OGDH: variants seen among roughly 807,000 people sequenced by gnomAD.
OGDH encodes the protein oxoglutarate dehydrogenase.
OGDH carries 38 observed loss-of-function variants against 116.6 expected under a neutral mutation model. That is an observed-to-expected ratio of 0.33 (90% CI 0.25 to 0.43). The LOEUF (loss-of-function observed/expected upper bound fraction) is 0.43. Among genes scored for constraint, OGDH ranks in the 20% least tolerant of loss-of-function variants. The pLI is 1.00. For missense variants in OGDH, 825 were observed against 1,357.2 expected (o/e 0.61, Z 6.16); for synonymous variants, 488 against 533.3 (o/e 0.92, Z 1.17).
chr7:44,683,439 G>A (rs920477405), intron 10 of OGDH, among the ~76,000 whole-genome samples: 7 of 151,648 alleles, frequency 4.6e-5, no homozygotes, highest in Non-Finnish European at 7.4e-5. Context: ...CTCTGTTACC[G>A]AGGCTGCTCT....
chr7:44,642,628 A>G (rs190375454), intron 2 of OGDH, among the ~76,000 whole-genome samples: 2 of 152,280 alleles, frequency 1.3e-5, no homozygotes, highest in Admixed American at 1.3e-4. Flanking sequence ...TTTGATTTGT[A>G]AAAACATTTT....
chr7:44,622,567 G>C (rs1338407693), intron 1 of OGDH, among the ~76,000 whole-genome samples: 1 of 151,998 alleles, frequency 6.6e-6, no homozygotes, highest in Non-Finnish European at 1.5e-5. Flanking sequence ...CCTCTCTCTT[G>C]GTGTCCCTTA....
chr7:44,643,378 A>G (rs1409954428), intron 2 of OGDH, among the ~76,000 whole-genome samples: 1 of 152,214 alleles, frequency 6.6e-6, no homozygotes, highest in East Asian at 1.9e-4. Context: ...TGCTTATTAT[A>G]GAATGTTTTA....
intron 10 of OGDH, among the ~76,000 whole-genome samples, chr7:44,685,946 G>A (rs540186066): frequency 2.0e-5 from 3 of 152,080 alleles, no homozygotes; most frequent in African/African-American, 4.8e-5. Context: ...TCCGTTCTTT[G>A]GAGTATATAT....
At chr7:44,695,747 G>A (rs376770509) in intron 12 of OGDH, among the ~76,000 whole-genome samples, 7 of 151,578 alleles carry the variant, frequency 4.6e-5, no homozygotes, top group African/African-American at 1.2e-4. Flanking sequence ...TTCAAACTCC[G>A]AGCAGAATCT....
At position 44,653,780 on chromosome 7, in the gene OGDH, C is replaced by T. The variant is rs866422852; in HGVS notation, c.517+6021C>T. ...ACCTCATGTAATCCACCTGCCTAGG[C>T]CTCACAAAGTGCTGGGATTACAGGC... is the stretch of plus-strand genomic sequence containing the variant. On this transcript the variant is annotated intron_variant, in intron 4 of 22. Transcript: ENST00000222673. 4.0e-5 allele frequency among the ~76,000 whole-genome samples: 6 copies of T among 151,858 alleles called. No individual in the cohort carries two copies. The South Asian group carries it at 1.2e-3, about 32-fold the overall frequency.
chr7:44,625,458 G>T (rs1469479010), intron 2 of OGDH, among the ~76,000 whole-genome samples: 1 of 152,146 alleles, frequency 6.6e-6, no homozygotes, highest in Non-Finnish European at 1.5e-5. Context: ...CCTTTATTCT[G>T]TTTTGAGCCA....
intron 10 of OGDH, 23 bp from the exon 11 acceptor site, chr7:44,693,802 G>T (rs766600429): frequency 1.3e-6 from 2 of 1,550,014 alleles, no homozygotes; most frequent in East Asian, 4.6e-5. Flanking sequence ...GTGCCCTCTT[G>T]CTAGGCTACA....
intron 5 of OGDH, among the ~76,000 whole-genome samples, chr7:44,668,844 A>G (rs1787299598): frequency 6.6e-6 from 1 of 152,258 alleles, no homozygotes; most frequent in Admixed American, 6.5e-5. Flanking sequence ...CAAATAAAAT[A>G]GGAAAATTTC....
At chr7:44,672,093 A>AT (rs778919742) in intron 5 of OGDH, among the ~76,000 whole-genome samples, 2 of 151,886 alleles carry the variant, frequency 1.3e-5, no homozygotes, top group South Asian at 4.1e-4. Flanking sequence ...TAATTAATTA[A>AT]TTAAAAAAAA....
chr7:44,616,164 A>T (rs1385793955), intron 1 of OGDH, among the ~76,000 whole-genome samples: 2 of 152,172 alleles, frequency 1.3e-5, no homozygotes, highest in Non-Finnish European at 2.9e-5. Flanking sequence ...TATATTTAGC[A>T]GGAAACACGT....
Position 44,674,283 on chromosome 7 carries a change from G to A in OGDH, c.789-128G>A, listed in dbSNP as rs533813366. 250 of 1,109,578 alleles carry A rather than the reference G, an allele frequency of 2.3e-4. 3 individuals are homozygous for A. The South Asian group carries it at 3.4e-3, about 15-fold the overall frequency. The allele number at this position is 1,109,578 out of a possible 1,614,324, so 68.7% of individuals were successfully genotyped here. A position where few individuals can be genotyped will look rare whatever the true frequency, so the allele number is the denominator to read the frequency against. On this transcript the variant is annotated intron_variant, in intron 6 of 22. Transcript: ENST00000222673. ...TGGTCTCGAACTCCTGACCTCAGCT[G>A]ATCTGCCCACCTCGGCCTCCCAAGG... is the stretch of plus-strand genomic sequence containing the variant.
At chr7:44,619,553 G>T (rs1239270540) in intron 1 of OGDH, among the ~76,000 whole-genome samples, 1 of 152,182 alleles carries the variant, frequency 6.6e-6, no homozygotes, top group Non-Finnish European at 1.5e-5. Flanking sequence ...CCTCCAGGTT[G>T]GAGCATGCAC....
Position 44,708,138 on chromosome 7 carries a change from T to C in OGDH, c.*139T>C. 3 of 1,206,554 alleles carry C rather than the reference T, an allele frequency of 2.5e-6. No individual in the cohort carries two copies. Among genetic ancestry groups the C allele is most frequent in the Non-Finnish European group, 1.2e-6 (1 of 869,186 alleles). 74.7% of individuals were successfully genotyped at this position (1,206,554 alleles called of 1,614,324 possible). On this transcript the variant is annotated 3_prime_UTR_variant, in exon 23 of 23. Coordinates refer to ENST00000222673, the MANE Select transcript of OGDH (RefSeq NM_002541.4). ...GCCACCACCCCTCCCTCTGCTCTCA[T>C]AGGAGTTAGGCTGTCGTCCCCCTCC...
chr7:44,707,382 T>G lies in OGDH; in HGVS notation c.2790T>G (p.Ile930Met). ...DMVGQVAITR[I>M]EQLSPFPFDL... is the part of the protein sequence containing the mutation. ...TGGGGCAGGTGGCCATCACAAGGAT[T>G]GAGCAGGTGAGGGCAGGTGGTGCCA... Residue 930 changes from isoleucine (I) to methionine (M), a missense_variant, in exon 21 of 23, where the codon ATT becomes ATG. Transcript: ENST00000222673. This position sits in a 1 kb window ranked among gnomAD's most constrained non-coding sequence, Gnocchi z 5.2. The G allele has an allele frequency of 6.2e-7, 1 of 1,614,192 alleles. No homozygotes were observed. The highest frequency in any genetic ancestry group is 8.5e-7 in the Non-Finnish European group (1 of 1,180,020).
At chr7:44,609,560 T>C (rs1042071643) in intron 1 of OGDH, among the ~76,000 whole-genome samples, 17 of 151,850 alleles carry the variant, frequency 1.1e-4, no homozygotes, top group African/African-American at 4.1e-4. Flanking sequence ...AGCCGGGCTA[T>C]TGGGCTATGG....
chr7:44,660,532 T>C (rs1225490020), intron 4 of OGDH, among the ~76,000 whole-genome samples: 1 of 152,178 alleles, frequency 6.6e-6, no homozygotes, highest in Non-Finnish European at 1.5e-5. Context: ...TTGTTGGGTT[T>C]TTAAAAAATG....
rs372877187 is a variant in OGDH at position 44,630,632 on chromosome 7, G to A, written c.222+6067G>A. ...GATACTAAAATCCAAGGAAGCTCAT[G>A]TCCCTTGTATAAAATGAAATATAAA... On this transcript the variant is annotated intron_variant, in intron 2 of 22. Coordinates refer to ENST00000222673, the MANE Select transcript of OGDH (RefSeq NM_002541.4). Among the ~76,000 whole-genome samples, 72 of 152,306 alleles carry A rather than the reference G, an allele frequency of 4.7e-4. 1 individual carries two copies. In the South Asian group the frequency reaches 0.014, roughly 30 times the overall value.
At chr7:44,701,276 G>A (rs1456466537) in intron 19 of OGDH, among the ~76,000 whole-genome samples, 1 of 152,192 alleles carries the variant, frequency 6.6e-6, no homozygotes, top group East Asian at 1.9e-4. Context: ...GTACAGAGAA[G>A]CAGGGAAGGG....
Sources: gnomAD v4.1 joint callset for allele counts (sites outside exome capture counted in the v4.1 genomes callset) on GRCh38, gnomAD v4.1.1 for gene constraint, Gnocchi (gnomAD v3.1) non-coding constraint, MANE v1.5 for transcripts, NCBI Gene and HGNC (gene_info 2026-07-23, HGNC 2026-07-21) for gene names.